TFCP2L1: variants seen among roughly 807,000 people sequenced by gnomAD.
The protein encoded by TFCP2L1 is transcription factor CP2 like 1.
In TFCP2L1, 12 loss-of-function variants were observed where a neutral mutation model predicts 72.2. That is an observed-to-expected ratio of 0.17 (90% CI 0.11 to 0.27). The LOEUF (loss-of-function observed/expected upper bound fraction) is 0.27, where lower values mean the gene tolerates loss of function less well. Among genes scored for constraint, TFCP2L1 ranks in the 10% least tolerant of loss-of-function variants. The pLI is 1.00. For synonymous variants in TFCP2L1, 260 were observed against 251.0 expected (o/e 1.04, Z -0.34); for missense variants, 488 against 624.6 (o/e 0.78, Z 2.33).
intron 7 of TFCP2L1, chr2:121,239,955 C>A (rs374482470): frequency 1.3e-6 from 1 of 795,226 alleles, no homozygotes; most frequent in Non-Finnish European, 1.5e-6. Context: ...CTTGGGTCCA[C>A]GAGAGAGAAA....
chr2:121,250,082 C>T (rs376398741), intron 2 of TFCP2L1, among the ~76,000 whole-genome samples: 1 of 152,234 alleles, frequency 6.6e-6, no homozygotes, highest in East Asian at 1.9e-4. Context: ...AACGAAGAAG[C>T]CTGTTAAACA....
intron 13 of TFCP2L1, among the ~76,000 whole-genome samples, chr2:121,227,393 A>G (rs1355859218): frequency 6.6e-6 from 1 of 152,220 alleles, no homozygotes; most frequent in African/African-American, 2.4e-5. Context: ...TTTAAAATAT[A>G]TAAACAGGCC....
intron 2 of TFCP2L1, among the ~76,000 whole-genome samples, chr2:121,268,757 A>G (rs17006296): frequency 0.042 from 6,336 of 150,664 alleles, 460 homozygotes; most frequent in African/African-American, 0.15. Context: ...GCTAATTAAT[A>G]GTGTCATTCA....
chr2:121,249,048 A>C lies in TFCP2L1; in HGVS notation c.331T>G (p.Tyr111Asp). 6.2e-7 allele frequency: 1 copy of C among 1,602,362 alleles called. No homozygotes were observed. Among genetic ancestry groups the C allele is most frequent in the Non-Finnish European group, 8.5e-7 (1 of 1,174,540 alleles). Residue 111 changes from tyrosine (Y) to aspartate (D), a missense_variant, in exon 4 of 15, where the codon TAT (tyrosine) becomes GAT (aspartate). Physicochemically the swap from Tyr to Asp is radical, Grantham distance 160. This residue lies in a region of TFCP2L1 where 129 missense variants were observed against 236.0 expected (regional missense o/e 0.55). Coordinates refer to ENST00000263707, the MANE Select transcript of TFCP2L1 (RefSeq NM_014553.3). Reference sequence around the variant, plus strand: ...CCCTCCAGCTGCTGGTGCTCCGTATACTGCAGCCGGCGGTCATGGAAGACC... The same window carrying C: ...CCCTCCAGCTGCTGGTGCTCCGTATCCTGCAGCCGGCGGTCATGGAAGACC... ...RVVFHDRRLQ[Y>D]TEHQQLEGWR...
At position 121,285,200 on chromosome 2, in the gene TFCP2L1, C is replaced by T. The variant is rs1687345398; in HGVS notation, c.-91G>A. Reference sequence around the variant, plus strand: ...CCCAGCGGCGGCTTCGCGCTCCGAACCCGCGGTGCCGGCCGGCTCGGCGCA... The same window carrying T: ...CCCAGCGGCGGCTTCGCGCTCCGAATCCGCGGTGCCGGCCGGCTCGGCGCA... On this transcript the variant is annotated 5_prime_UTR_variant, in exon 1 of 15. Transcript: ENST00000263707. The T allele has an allele frequency of 5.2e-6, 6 of 1,143,728 alleles. No individual in the cohort carries two copies. The highest frequency in any genetic ancestry group is 2.7e-5 in the South Asian group (1 of 37,706). The allele number at this position is 1,143,728 out of a possible 1,614,324, so 70.8% of individuals were successfully genotyped here.
intron 13 of TFCP2L1, 41 bp from the exon 14 acceptor site, chr2:121,225,654 TTCA>T (rs763188422): frequency 1.9e-6 from 3 of 1,611,490 alleles, no homozygotes; most frequent in Non-Finnish European, 2.5e-6. Context: ...CAACCACGAG[TTCA>T]TCATTTGGAA....
At position 121,232,033 on chromosome 2, in the gene TFCP2L1, C is replaced by T. The variant is rs931455800; in HGVS notation, c.1199-65G>A. On this transcript the variant is annotated intron_variant, in intron 12 of 14. Transcript: ENST00000263707. ...ATTCTGTCAGTGTGAGCCTCCCACC[C>T]GCCCTGAGAAAGCAGTAAGTCCTTT... The T allele has an allele frequency of 9.3e-6, 14 of 1,513,290 alleles. No homozygotes were observed. The East Asian group carries it at 1.4e-4, about 16-fold the overall frequency. 93.7% of individuals were successfully genotyped at this position (1,513,290 alleles called of 1,614,324 possible). A position where few individuals can be genotyped will look rare whatever the true frequency, so the allele number is the denominator to read the frequency against.
At chr2:121,234,341 G>A (rs1686201992) in intron 11 of TFCP2L1, 147 bp from the exon 12 acceptor site, 1 of 712,870 alleles carries the variant, frequency 1.4e-6, no homozygotes, top group Non-Finnish European at 2.4e-6. Flanking sequence ...ATGGGGTGGT[G>A]GATGACCCTC....
At chr2:121,264,916 T>C (rs1473886181) in intron 2 of TFCP2L1, among the ~76,000 whole-genome samples, 1 of 152,212 alleles carries the variant, frequency 6.6e-6, no homozygotes, top group African/African-American at 2.4e-5. Context: ...TATAGCTGCT[T>C]TGGAAAACCG....
At chr2:121,232,373 A>G (rs1341110376) in intron 12 of TFCP2L1, among the ~76,000 whole-genome samples, 1 of 152,104 alleles carries the variant, frequency 6.6e-6, no homozygotes, top group African/African-American at 2.4e-5. Context: ...TCCTGACCTC[A>G]GGTGATCCGC....
intron 2 of TFCP2L1, among the ~76,000 whole-genome samples, chr2:121,265,025 A>C (rs1384058325): frequency 6.6e-6 from 1 of 152,238 alleles, no homozygotes; most frequent in East Asian, 1.9e-4. Flanking sequence ...ATGTTTACAC[A>C]AAGGCTCACA....
chr2:121,278,728 G>T (rs1158073871), intron 2 of TFCP2L1, among the ~76,000 whole-genome samples: 1 of 150,034 alleles, frequency 6.7e-6, no homozygotes, highest in African/African-American at 2.5e-5. Flanking sequence ...GGGTGGCCAG[G>T]CCTGGTGGCT....
At position 121,229,848 on chromosome 2, in the gene TFCP2L1, A is replaced by T. The variant is rs577508305; in HGVS notation, c.1341+1978T>A. On this transcript the variant is annotated intron_variant, in intron 13 of 14. Transcript: ENST00000263707. Reference sequence around the variant, plus strand: ...TAGTTTCAGGTGGGGACACCAGTCCAATTCCAAACCCTGCATTTTCTCTAC... The same window carrying T: ...TAGTTTCAGGTGGGGACACCAGTCCTATTCCAAACCCTGCATTTTCTCTAC... Among the ~76,000 whole-genome samples the T allele has an allele frequency of 4.6e-5, 7 of 152,244 alleles. No homozygotes were observed. The South Asian group carries it at 1.4e-3, about 32-fold the overall frequency.
At chr2:121,247,712 G>A in intron 5 of TFCP2L1, among the ~76,000 whole-genome samples, 1 of 152,132 alleles carries the variant, frequency 6.6e-6, no homozygotes, top group South Asian at 2.1e-4. Context: ...CACACAGCAA[G>A]CGAGAGAGCC....
chr2:121,239,685 A>G (rs764274596), intron 7 of TFCP2L1, 36 bp from the exon 8 acceptor site: 2 of 1,596,634 alleles, frequency 1.3e-6, no homozygotes, highest in East Asian at 4.5e-5. Flanking sequence ...TGGGATCTGG[A>G]GAGGCGCTGA....
intron 2 of TFCP2L1, among the ~76,000 whole-genome samples, chr2:121,265,781 G>A (rs1686918349): frequency 6.6e-6 from 1 of 151,924 alleles, no homozygotes; most frequent in South Asian, 2.1e-4. Context: ...ACCGTGCCTG[G>A]CCAAGAGTGG....
intron 2 of TFCP2L1, among the ~76,000 whole-genome samples, chr2:121,264,731 G>C (rs982967765): frequency 2.6e-5 from 4 of 152,128 alleles, no homozygotes; most frequent in African/African-American, 9.7e-5. Context: ...CGTGCGCTTC[G>C]GGGGCCCAGC....
At position 121,257,916 on chromosome 2, in the gene TFCP2L1, C is replaced by G. The variant is rs549814234; in HGVS notation, c.215-8269G>C. ...TAAGTCACAGCCCCTCAATGGACAA[C>G]GGAAAGCTCTGAGAACCGGCCCGCC... On this transcript the variant is annotated intron_variant, in intron 2 of 14. Transcript: ENST00000263707. Among the ~76,000 whole-genome samples, 44 of 152,244 alleles carry G rather than the reference C, an allele frequency of 2.9e-4. 3 individuals carry two copies. In the South Asian group the frequency reaches 9.1e-3, roughly 32 times the overall value.
chr2:121,250,646 GC>G (rs1573376881), intron 2 of TFCP2L1, among the ~76,000 whole-genome samples: 1 of 141,418 alleles, frequency 7.1e-6, no homozygotes, highest in East Asian at 2.1e-4. Context: ...TCACTCTGTT[GC>G]CCAGGCTGGA....
Sources: gnomAD v4.1 joint callset for allele counts (sites outside exome capture counted in the v4.1 genomes callset) on GRCh38, gnomAD v4.1.1 for gene constraint, gnomAD v4.1.1 regional missense constraint, MANE v1.5 for transcripts, NCBI Gene and HGNC (gene_info 2026-07-23, HGNC 2026-07-21) for gene names.